Variants in ABLIM1 observed in about 807,000 individuals in gnomAD.
ABLIM1 encodes the protein actin binding LIM protein 1.
ABLIM1 carries 40 observed loss-of-function variants against 107.0 expected under a neutral mutation model. The ratio of observed to expected loss-of-function variants is 0.37; its 90% CI spans 0.29 to 0.49. The LOEUF (loss-of-function observed/expected upper bound fraction) is 0.49, where lower values mean the gene tolerates loss of function less well. Ranked by LOEUF, ABLIM1 falls within the 20% of genes least tolerant of loss-of-function variation. The pLI, the probability that ABLIM1 is intolerant of heterozygous loss-of-function variation, is 0.97. For synonymous variants in ABLIM1, 357 were observed against 357.3 expected (o/e 1.00, Z 0.01); for missense variants, 857 against 1,008.5 (o/e 0.85, Z 2.04).
intron 6 of ABLIM1, among the ~76,000 whole-genome samples, chr10:114,509,406 G>A (rs2061555608): frequency 6.6e-6 from 1 of 152,128 alleles, no homozygotes; most frequent in Admixed American, 6.5e-5. Context: ...TGTCCCACCA[G>A]TCGGTCTCCA....
rs575069944 is a variant in ABLIM1 at position 114,463,914 on chromosome 10, G to A, written c.1441+1784C>T. Among the ~76,000 whole-genome samples the A allele has an allele frequency of 5.3e-5, 8 of 152,294 alleles. No individual in the cohort carries two copies. The South Asian group carries it at 1.0e-3, about 20-fold the overall frequency. On this transcript the variant is annotated intron_variant, in intron 12 of 22. Transcript: ENST00000533213. Reference sequence around the variant, plus strand: ...TAATAACTTTAAAGCCTAACAAGTGGCATCAGGCATACATGTAATATATTG... The same window carrying A: ...TAATAACTTTAAAGCCTAACAAGTGACATCAGGCATACATGTAATATATTG...
chr10:114,526,851 A>G, intron 6 of ABLIM1: 13 of 985,452 alleles, frequency 1.3e-5, no homozygotes, highest in Non-Finnish European at 1.6e-5. Context: ...GGCAACGTGC[A>G]TCCCTCTAGA....
chr10:114,760,587 A>T (rs1260792364), intron 1 of ABLIM1, among the ~76,000 whole-genome samples: 1 of 152,246 alleles, frequency 6.6e-6, no homozygotes, highest in Non-Finnish European at 1.5e-5. Context: ...GAGATAAAAT[A>T]ATCAATATAT....
At chr10:114,667,323 G>A (rs2080068037) in intron 1 of ABLIM1, among the ~76,000 whole-genome samples, 1 of 152,172 alleles carries the variant, frequency 6.6e-6, no homozygotes, top group African/African-American at 2.4e-5. Flanking sequence ...CCCAAAAACA[G>A]TGTATGATAT....
rs561219872 is a variant in ABLIM1, at chr10:114,597,196, A to G, written c.379+4631T>C. On this transcript the variant is annotated intron_variant, in intron 2 of 22. Transcript: ENST00000533213. ...TGGCTGCAATTGGGTCACTTGGGCT[A>G]GGAGGAAGACAGCATTCCTCAGGTA... Among the ~76,000 whole-genome samples the G allele has an allele frequency of 1.4e-4, 21 of 152,342 alleles. No homozygotes were observed. In the South Asian group the frequency reaches 4.3e-3, roughly 32 times the overall value.
At chr10:114,452,633 C>A (rs545569854) in intron 13 of ABLIM1, among the ~76,000 whole-genome samples, 1 of 152,104 alleles carries the variant, frequency 6.6e-6, no homozygotes, top group African/African-American at 2.4e-5. Context: ...AAGCAAAAAA[C>A]AATATACTGC....
chr10:114,522,484 A>T (rs2063899702), intron 6 of ABLIM1, among the ~76,000 whole-genome samples: 1 of 152,232 alleles, frequency 6.6e-6, no homozygotes, highest in South Asian at 2.1e-4. Context: ...TATGTTTTCA[A>T]GTATGTTTAT....
intron 8 of ABLIM1, among the ~76,000 whole-genome samples, chr10:114,480,579 G>A (rs1218768298): frequency 6.6e-6 from 1 of 152,170 alleles, no homozygotes; most frequent in Non-Finnish European, 1.5e-5. Context: ...GGTGGGGTGA[G>A]GTGAGATGAA....
intron 4 of ABLIM1, among the ~76,000 whole-genome samples, chr10:114,570,955 G>A (rs1050365683): frequency 3.3e-5 from 5 of 152,028 alleles, no homozygotes; most frequent in East Asian, 1.9e-4. Flanking sequence ...TGATGCCTAC[G>A]TCAAGAATCT....
chr10:114,535,212 C>A (rs1238502423), intron 6 of ABLIM1, among the ~76,000 whole-genome samples: 1 of 152,230 alleles, frequency 6.6e-6, no homozygotes, highest in Non-Finnish European at 1.5e-5. Flanking sequence ...CACTAAGCTA[C>A]ACTCTACAAT....
At chr10:114,586,776 T>C (rs2074245246) in intron 2 of ABLIM1, among the ~76,000 whole-genome samples, 1 of 152,232 alleles carries the variant, frequency 6.6e-6, no homozygotes, top group Admixed American at 6.5e-5. Context: ...TCATGCTATT[T>C]TCCTGACCTA....
chr10:114,491,012 G>GTGTGTGTATATATATATATATATA lies in ABLIM1; in HGVS notation c.982+778_982+779insTATATATATATATATATACACACA. On this transcript the variant is annotated intron_variant, in intron 7 of 22. Transcript: ENST00000533213. ...TGTGTGTGTGTGTGTGTGTGTGTGT[G>GTGTGTGTATATATATATATATATA]TATATATATATATGGTCTATTTTAT... 1.9e-3 allele frequency among the ~76,000 whole-genome samples: 173 copies of GTGTGTGTATATATATATATATATA among 92,310 alleles called. 1 individual carries two copies. The highest frequency in any genetic ancestry group is 0.013 in the East Asian group (25 of 1,964). The allele number at this position is 92,310 out of a possible 152,430, so 60.6% of individuals were successfully genotyped here. A position where few individuals can be genotyped will look rare whatever the true frequency, so the allele number is the denominator to read the frequency against.
chr10:114,599,967 T>C (rs1382512723), intron 2 of ABLIM1, among the ~76,000 whole-genome samples: 2 of 152,120 alleles, frequency 1.3e-5, no homozygotes, highest in African/African-American at 2.4e-5. Flanking sequence ...AAACTGGATA[T>C]AACTAGAAAA....
intron 6 of ABLIM1, among the ~76,000 whole-genome samples, chr10:114,515,052 T>C (rs1470217285): frequency 2.0e-5 from 3 of 152,204 alleles, no homozygotes; most frequent in Non-Finnish European, 2.9e-5. Context: ...TCCAGGTCAA[T>C]GCAGCAGGGG....
At chr10:114,703,057 A>C (rs1366427925) in intron 1 of ABLIM1, among the ~76,000 whole-genome samples, 3 of 152,194 alleles carry the variant, frequency 2.0e-5, no homozygotes, top group Non-Finnish European at 4.4e-5. Context: ...GAAACCTCTT[A>C]ATAGGAAAAT....
At chr10:114,554,544 A>T (rs1024842738) in intron 4 of ABLIM1, among the ~76,000 whole-genome samples, 1 of 152,144 alleles carries the variant, frequency 6.6e-6, no homozygotes, top group African/African-American at 2.4e-5. Context: ...CAGAAAATAG[A>T]ATAGCGAGGC....
At chr10:114,753,314 C>G (rs74158049) in intron 1 of ABLIM1, among the ~76,000 whole-genome samples, 2 of 152,186 alleles carry the variant, frequency 1.3e-5, no homozygotes, top group African/African-American at 4.8e-5. Flanking sequence ...GTGCACCATG[C>G]TCTCTTTCCG....
chr10:114,602,017 G>T, intron 1 of ABLIM1, 56 bp from the exon 2 acceptor site: 1 of 1,603,220 alleles, frequency 6.2e-7, no homozygotes, highest in Non-Finnish European at 8.5e-7. Context: ...TGCAAAAGGG[G>T]TCATCATGGT....
At chr10:114,503,369 T>C (rs2060688281) in intron 6 of ABLIM1, among the ~76,000 whole-genome samples, 1 of 152,086 alleles carries the variant, frequency 6.6e-6, no homozygotes, top group African/African-American at 2.4e-5. Flanking sequence ...GAGGATTGCT[T>C]GAGCCTGGGA....
Sources: allele counts gnomAD v4.1 joint callset (sites outside exome capture counted in the v4.1 genomes callset), GRCh38; gene constraint gnomAD v4.1.1; transcripts MANE v1.5; gene names NCBI Gene and HGNC (gene_info 2026-07-23, HGNC 2026-07-21).